The following SLC44A1 variants were observed in gnomAD, a reference collection of about 807,000 sequenced individuals.
SLC44A1 encodes the protein choline transporter-like protein 1.
Under a neutral mutation model 79.3 loss-of-function variants are expected in SLC44A1, and 26 were observed. The ratio of observed to expected loss-of-function variants is 0.33; its 90% CI spans 0.24 to 0.46. The LOEUF (loss-of-function observed/expected upper bound fraction) is 0.46, where lower values mean the gene tolerates loss of function less well. Ranked by LOEUF, SLC44A1 falls within the 20% of genes least tolerant of loss-of-function variation. SLC44A1 has a pLI of 1.00. For synonymous variants in SLC44A1, 263 were observed against 286.2 expected, an observed-to-expected ratio of 0.92 and a Z score of 0.82; for missense variants, 688 against 798.1, an observed-to-expected ratio of 0.86 and a Z score of 1.66.
At chr9:105,326,877 T>C (rs1364565472) in intron 3 of SLC44A1, among the ~76,000 whole-genome samples, 3 of 152,220 alleles carry the variant, frequency 2.0e-5, no homozygotes. Flanking sequence ...ATAGGTCCAT[T>C]TGGACACTTC....
At chr9:105,405,979 G>A (rs1829024506) in intron 15 of SLC44A1, among the ~76,000 whole-genome samples, 1 of 152,122 alleles carries the variant, frequency 6.6e-6, no homozygotes, top group African/African-American at 2.4e-5. Flanking sequence ...GACACAGGAA[G>A]GACCTGAGAA....
At chr9:105,420,907 G>A (rs1287844246) in intron 15 of SLC44A1, among the ~76,000 whole-genome samples, 4 of 147,286 alleles carry the variant, frequency 2.7e-5, no homozygotes, top group African/African-American at 1.0e-4. Context: ...CTAGATAGAC[G>A]TGCTGTTGTG....
rs146276514 is a variant in SLC44A1, at chr9:105,254,893, C to T, written c.36+9989C>T. ...CTCTAGCTTACAATCTCCTTTTCTA[C>T]CTCTTTTGAAGTCTCACTTCTGTCT... On this transcript the variant is annotated intron_variant, in intron 1 of 15. Transcript: ENST00000374720. Among the ~76,000 whole-genome samples, 103 of 152,292 alleles carry T rather than the reference C, an allele frequency of 6.8e-4. 1 individual carries two copies. In the East Asian group the frequency reaches 0.01, roughly 15 times the overall value.
At chr9:105,322,088 G>A (rs1826410655) in intron 3 of SLC44A1, among the ~76,000 whole-genome samples, 1 of 152,138 alleles carries the variant, frequency 6.6e-6, no homozygotes, top group African/African-American at 2.4e-5. Flanking sequence ...AATGAAATGG[G>A]AATAAAAAAG....
At chr9:105,256,650 T>A (rs116747281) in intron 1 of SLC44A1, among the ~76,000 whole-genome samples, 2,336 of 150,802 alleles carry the variant, frequency 0.015, 62 homozygotes, top group African/African-American at 0.053. Context: ...GCAGCATCAA[T>A]CTCCTGGGCT....
At chr9:105,263,492 A>G (rs1250184515) in intron 1 of SLC44A1, among the ~76,000 whole-genome samples, 1 of 151,488 alleles carries the variant, frequency 6.6e-6, no homozygotes, top group African/African-American at 2.4e-5. Flanking sequence ...TGCTTTCATG[A>G]TTAAATCTAT....
chr9:105,328,071 C>G (rs1826637318), intron 3 of SLC44A1, among the ~76,000 whole-genome samples: 1 of 152,164 alleles, frequency 6.6e-6, no homozygotes. Flanking sequence ...CCCTCTGGCC[C>G]CACTTAGCAA....
chr9:105,371,290 G>A (rs571304715), intron 12 of SLC44A1, among the ~76,000 whole-genome samples: 66 of 152,320 alleles, frequency 4.3e-4, no homozygotes, highest in Middle Eastern at 3.4e-3. Flanking sequence ...TCTCTGTGAG[G>A]GACCAGAGAG....
intron 3 of SLC44A1, among the ~76,000 whole-genome samples, chr9:105,311,857 G>T (rs1259381087): frequency 6.6e-6 from 1 of 151,742 alleles, no homozygotes; most frequent in Non-Finnish European, 1.5e-5. Flanking sequence ...ATAATATTTC[G>T]ATCTGAAAAC....
chr9:105,250,754 T>C (rs1829564658), intron 1 of SLC44A1, among the ~76,000 whole-genome samples: 1 of 152,216 alleles, frequency 6.6e-6, no homozygotes, highest in African/African-American at 2.4e-5. Context: ...CTTTCATCCT[T>C]GGCTGCACAT....
intron 3 of SLC44A1, among the ~76,000 whole-genome samples, chr9:105,329,350 T>A (rs1202129445): frequency 2.0e-5 from 3 of 152,140 alleles, no homozygotes; most frequent in Non-Finnish European, 4.4e-5. Context: ...CTGCAGTGCT[T>A]CCATCCTGAT....
At chr9:105,294,449 T>C (rs1830672243) in intron 1 of SLC44A1, among the ~76,000 whole-genome samples, 1 of 152,032 alleles carries the variant, frequency 6.6e-6, no homozygotes, top group Admixed American at 6.6e-5. Context: ...GGGTTGGTAG[T>C]TGTTTTTTTT....
intron 1 of SLC44A1, among the ~76,000 whole-genome samples, chr9:105,251,132 A>T (rs1829575754): frequency 6.6e-6 from 1 of 152,150 alleles, no homozygotes; most frequent in African/African-American, 2.4e-5. Flanking sequence ...ATTAATTAGC[A>T]TTTACACTAG....
intron 15 of SLC44A1, among the ~76,000 whole-genome samples, chr9:105,431,572 A>G (rs1487576955): frequency 6.6e-6 from 1 of 152,218 alleles, no homozygotes; most frequent in South Asian, 2.1e-4. Flanking sequence ...TAAGAGATTG[A>G]CAGCCTCCTC....
At chr9:105,302,236 G>A (rs926295925) in intron 2 of SLC44A1, among the ~76,000 whole-genome samples, 2 of 151,978 alleles carry the variant, frequency 1.3e-5, no homozygotes, top group Admixed American at 6.5e-5. Context: ...AGAATTACTT[G>A]TAACATTGCA....
At chr9:105,433,260 C>T (rs1036716541) in intron 15 of SLC44A1, among the ~76,000 whole-genome samples, 4 of 152,164 alleles carry the variant, frequency 2.6e-5, no homozygotes, top group African/African-American at 7.2e-5. Context: ...CGCACCACTG[C>T]ACTCCAGTCT....
In SLC44A1 at chr9:105,358,336, C is replaced by T; in HGVS notation, c.671-8C>T. 1 of 1,429,496 alleles carries T rather than the reference C, an allele frequency of 7.0e-7. No homozygotes were observed. The highest frequency in any genetic ancestry group is 9.8e-7 in the Non-Finnish European group (1 of 1,015,948). The allele number at this position is 1,429,496 out of a possible 1,614,324, so 88.6% of individuals were successfully genotyped here. The stretch of plus-strand genomic sequence containing the variant: ...TAATATTCTATATGTTCTCTATCTT[C>T]CCTGCAGTTCTATCCATGATTTTGA... On this transcript the variant is annotated splice_polypyrimidine_tract_variant and splice_region_variant and intron_variant, in intron 6 of 15. Coordinates refer to ENST00000374720, the MANE Select transcript of SLC44A1 (RefSeq NM_080546.5).
chr9:105,298,506 C>A (rs565584056), intron 1 of SLC44A1, among the ~76,000 whole-genome samples: 1 of 152,082 alleles, frequency 6.6e-6, no homozygotes, highest in Non-Finnish European at 1.5e-5. Flanking sequence ...CCCACCACCA[C>A]GCCCAGCTAA....
intron 5 of SLC44A1, among the ~76,000 whole-genome samples, chr9:105,353,231 C>T (rs971439891): frequency 6.6e-6 from 1 of 151,900 alleles, no homozygotes; most frequent in Non-Finnish European, 1.5e-5. Context: ...TGTTATTTTG[C>T]TCCAGTTCTT....
Sources: gnomAD v4.1 joint callset for allele counts (sites outside exome capture counted in the v4.1 genomes callset) on GRCh38, gnomAD v4.1.1 for gene constraint, MANE v1.5 for transcripts, NCBI Gene and HGNC (gene_info 2026-07-23, HGNC 2026-07-21) for gene names.